The following BLNK variants were observed in gnomAD, a reference collection of about 807,000 sequenced individuals.
BLNK encodes B cell linker, also known as B-cell linker protein.
In BLNK, 29 loss-of-function variants were observed where a neutral mutation model predicts 73.5. The observed-to-expected ratio is 0.39, with a 90% CI of 0.29 to 0.54. The LOEUF is 0.54. Ranked by LOEUF, BLNK falls within the 20% of genes least tolerant of loss-of-function variation. The pLI is 0.61. For missense variants in BLNK, 460 were observed against 562.8 expected (o/e 0.82, Z 1.85); for synonymous variants, 176 against 200.8 (o/e 0.88, Z 1.04).
Position 96,271,472 on chromosome 10 carries a change from G to T in BLNK, c.-74C>A. On this transcript the variant is annotated 5_prime_UTR_variant, in exon 1 of 17. Transcript: ENST00000224337. ...CAGCAGTTCCTGGCCCTCCTAGGGA[G>T]CAGCATGGTAAGCCTCTGGTCTCAA... The T allele has an allele frequency of 6.7e-7, 1 of 1,493,904 alleles. No homozygotes were observed. Among genetic ancestry groups the T allele is most frequent in the Non-Finnish European group, 9.3e-7 (1 of 1,071,100 alleles). 92.5% of individuals were successfully genotyped at this position (1,493,904 alleles called of 1,614,324 possible). A position where few individuals can be genotyped will look rare whatever the true frequency, so the allele number is the denominator to read the frequency against.
rs1453314265 is a variant in BLNK at position 96,191,594 on chromosome 10, C to G, written c.*379G>C. 5.6e-6 allele frequency: 1 copy of G among 177,590 alleles called. No individual in the cohort carries two copies. The highest frequency in any genetic ancestry group is 1.2e-5 in the Non-Finnish European group (1 of 84,330). 11.0% of individuals were successfully genotyped at this position (177,590 alleles called of 1,614,324 possible). ...ATTGTCAAGCATTGGCAGTGGAGAG[C>G]CCAGCTACATTAGTGTACCAATGAT... On this transcript the variant is annotated 3_prime_UTR_variant, in exon 17 of 17. Transcript: ENST00000224337.
rs543537152 is a variant in BLNK, at chr10:96,271,520, A to T, written c.-122T>A. On this transcript the variant is annotated 5_prime_UTR_variant, in exon 1 of 17. Transcript: ENST00000224337. ...CAAGGGTTCCGGCCACTCAAGTCTG[A>T]TTTCTGAGAGTGCAGGCTGCTGGCA... is the stretch of plus-strand genomic sequence containing the variant. 108 of 1,040,636 alleles carry T rather than the reference A, an allele frequency of 1.0e-4. 1 individual carries two copies. In the African/African-American group the frequency reaches 1.6e-3, roughly 16 times the overall value. The allele number at this position is 1,040,636 out of a possible 1,614,324, so 64.5% of individuals were successfully genotyped here. A position where few individuals can be genotyped will look rare whatever the true frequency, so the allele number is the denominator to read the frequency against.
In BLNK at chr10:96,268,318, A is replaced by G. The variant is rs61857053; in HGVS notation, c.47+3034T>C. Among the ~76,000 whole-genome samples the G allele has an allele frequency of 6.0e-3, 921 of 152,336 alleles. 7 individuals carry two copies. The highest frequency in any genetic ancestry group is 0.024 in the Middle Eastern group (7 of 294). The stretch of plus-strand genomic sequence containing the variant: ...ATTGTAAATTTTGAAATGTTCCCCT[A>G]GAAAGGTGAAATTTTTATGATCATA... On this transcript the variant is annotated intron_variant, in intron 1 of 16. Coordinates refer to ENST00000224337, the MANE Select transcript of BLNK (RefSeq NM_013314.4).
At chr10:96,235,097 C>G (rs956792463) in intron 3 of BLNK, among the ~76,000 whole-genome samples, 1 of 152,218 alleles carries the variant, frequency 6.6e-6, no homozygotes, top group African/African-American at 2.4e-5. Flanking sequence ...CAGCACCAGA[C>G]ACAAGGAGAT....
At chr10:96,220,120 C>T (rs587605770) in intron 6 of BLNK, among the ~76,000 whole-genome samples, 4 of 152,312 alleles carry the variant, frequency 2.6e-5, no homozygotes, top group African/African-American at 9.6e-5. Context: ...AATCAGATAT[C>T]ACCTCCTGAA....
chr10:96,204,347 G>A lies in BLNK; in HGVS notation c.902+185C>T, dbSNP rs2083739164. On this transcript the variant is annotated intron_variant, in intron 12 of 16. Transcript: ENST00000224337. The stretch of plus-strand genomic sequence containing the variant: ...GTTCAATAATTAACCCAATTAGTAG[G>A]TCTCTGCAACTCTACACAGTTATTT... 1.6e-5 allele frequency: 12 copies of A among 735,170 alleles called. No homozygotes were observed. The South Asian group carries it at 2.0e-4, about 12-fold the overall frequency. The allele number at this position is 735,170 out of a possible 1,614,324, so 45.5% of individuals were successfully genotyped here. A position where few individuals can be genotyped will look rare whatever the true frequency, so the allele number is the denominator to read the frequency against.
In BLNK at chr10:96,191,697, A is replaced by C. The variant is rs1458118881; in HGVS notation, c.*276T>G. The C allele has an allele frequency of 1.6e-5, 5 of 311,814 alleles. No homozygotes were observed. Among genetic ancestry groups the C allele is most frequent in the Non-Finnish European group, 1.2e-5 (2 of 166,290 alleles). The allele number at this position is 311,814 out of a possible 1,614,324, so 19.3% of individuals were successfully genotyped here. A position where few individuals can be genotyped will look rare whatever the true frequency, so the allele number is the denominator to read the frequency against. On this transcript the variant is annotated 3_prime_UTR_variant, in exon 17 of 17. Coordinates refer to ENST00000224337, the MANE Select transcript of BLNK (RefSeq NM_013314.4). ...TTCTTATTTTGATAATATACTTTAC[A>C]CTTATTTTTAAAAATAAAAATATTT... is the stretch of plus-strand genomic sequence containing the variant.
chr10:96,208,096 C>G (rs1360534300), intron 9 of BLNK, among the ~76,000 whole-genome samples, 197 bp from the exon 10 acceptor site: 1 of 152,056 alleles, frequency 6.6e-6, no homozygotes, highest in Non-Finnish European at 1.5e-5. Flanking sequence ...AGTCTGCTGA[C>G]AGATGGGGAA....
intron 1 of BLNK, among the ~76,000 whole-genome samples, chr10:96,259,239 G>T (rs1843642457): frequency 6.6e-6 from 1 of 152,186 alleles, no homozygotes; most frequent in Non-Finnish European, 1.5e-5. Context: ...TGACACATGT[G>T]CCCCCACCCC....
intron 3 of BLNK, among the ~76,000 whole-genome samples, chr10:96,236,406 C>T (rs1433621137): frequency 6.6e-6 from 1 of 152,104 alleles, no homozygotes; most frequent in African/African-American, 2.4e-5. Context: ...GCAGGGGAGG[C>T]GGTGGGTGGC....
At chr10:96,268,926 A>AT (rs1202388676) in intron 1 of BLNK, among the ~76,000 whole-genome samples, 1 of 152,204 alleles carries the variant, frequency 6.6e-6, no homozygotes, top group Non-Finnish European at 1.5e-5. Context: ...GTGCCAAATA[A>AT]TTACATGGTT....
intron 2 of BLNK, among the ~76,000 whole-genome samples, chr10:96,244,320 C>T (rs927823091): frequency 6.6e-6 from 1 of 152,170 alleles, no homozygotes. Context: ...AAGCACAAAC[C>T]ACCTGTTATC....
At chr10:96,208,119 G>A (rs2133979289) in intron 9 of BLNK, among the ~76,000 whole-genome samples, 1 of 152,256 alleles carries the variant, frequency 6.6e-6, no homozygotes, top group African/African-American at 2.4e-5. Flanking sequence ...GGTCAACTGG[G>A]GATAAAGTAG....
chr10:96,268,604 A>G (rs1351365335), intron 1 of BLNK, among the ~76,000 whole-genome samples: 1 of 152,138 alleles, frequency 6.6e-6, no homozygotes, highest in Non-Finnish European at 1.5e-5. Flanking sequence ...AGAAACTCTC[A>G]AGGTGATGAC....
At chr10:96,199,677 C>T (rs1177909721) in intron 15 of BLNK, 8 of 376,522 alleles carry the variant, frequency 2.1e-5, no homozygotes, top group East Asian at 7.3e-5. Flanking sequence ...ATCATAAGGA[C>T]GACAACTGTG....
At chr10:96,256,920 T>G (rs1169215816) in intron 1 of BLNK, among the ~76,000 whole-genome samples, 2 of 142,544 alleles carry the variant, frequency 1.4e-5, no homozygotes, top group African/African-American at 2.6e-5. Flanking sequence ...AAGAAGCAAA[T>G]GGAATTTATA....
chr10:96,207,142 G>A (rs1554897608), intron 10 of BLNK, 89 bp from the exon 11 acceptor site: 3 of 1,300,944 alleles, frequency 2.3e-6, no homozygotes, highest in Non-Finnish European at 3.3e-6. Flanking sequence ...AAATATTTTG[G>A]CAGCACTTTT....
chr10:96,194,409 G>A (rs982842716), intron 16 of BLNK, among the ~76,000 whole-genome samples: 1 of 152,184 alleles, frequency 6.6e-6, no homozygotes, highest in Non-Finnish European at 1.5e-5. Context: ...AGAAGAAAAT[G>A]TAGGGGGGAA....
At chr10:96,263,848 C>T (rs1422656620) in intron 1 of BLNK, among the ~76,000 whole-genome samples, 2 of 152,186 alleles carry the variant, frequency 1.3e-5, no homozygotes, top group Non-Finnish European at 2.9e-5. Flanking sequence ...CAGCCAACCC[C>T]AGTGTCCAGT....
Sources: gnomAD v4.1 joint callset for allele counts (sites outside exome capture counted in the v4.1 genomes callset) on GRCh38, gnomAD v4.1.1 for gene constraint, MANE v1.5 for transcripts, NCBI Gene and HGNC (gene_info 2026-07-23, HGNC 2026-07-21) for gene names.